Variants in C6orf62 observed in about 807,000 individuals in gnomAD.
The protein encoded by C6orf62 is chromosome 6 open reading frame 62.
A neutral mutation model predicts 26.8 loss-of-function variants in C6orf62; 16 were observed. That is an observed-to-expected ratio of 0.60 (90% CI 0.40 to 0.91). The LOEUF is 0.91. Among genes scored for constraint, C6orf62 ranks in the 40% least tolerant of loss-of-function variants. C6orf62 has a pLI of 0.00. For synonymous variants in C6orf62, 112 were observed against 91.5 expected (o/e 1.22, Z -1.28); for missense variants, 192 against 271.4 (o/e 0.71, Z 2.06).
intron 3 of C6orf62, among the ~76,000 whole-genome samples, chr6:24,713,255 G>A (rs141776216): frequency 1.2e-4 from 18 of 152,172 alleles, no homozygotes; most frequent in African/African-American, 4.3e-4. Flanking sequence ...ATCTTAAGTC[G>A]AACCATTATA....
In C6orf62 at chr6:24,718,962, T is replaced by G. The variant is rs1779295767; in HGVS notation, c.-294A>C. The G allele has an allele frequency of 1.7e-6, 2 of 1,181,836 alleles. No homozygotes were observed. The highest frequency in any genetic ancestry group is 3.9e-5 in the South Asian group (2 of 51,328). The allele number at this position is 1,181,836 out of a possible 1,614,324, so 73.2% of individuals were successfully genotyped here. ...AAAGAAAGAGGAGAAAATAACTAAC[T>G]TTCTGGAAAACACATTTGGCTTAAC... is the stretch of plus-strand genomic sequence containing the variant. On this transcript the variant is annotated 5_prime_UTR_variant, in exon 1 of 5. Coordinates refer to ENST00000378119, the MANE Select transcript of C6orf62 (RefSeq NM_030939.5).
upstream of C6orf62, chr6:24,720,336 G>C (rs937793211): frequency 1.6e-6 from 2 of 1,264,182 alleles, no homozygotes; most frequent in African/African-American, 1.6e-5. Context: ...GCCATGTCAA[G>C]AGAAAACCAC....
chr6:24,710,910 T>C (rs1779108367), intron 3 of C6orf62, among the ~76,000 whole-genome samples: 1 of 152,024 alleles, frequency 6.6e-6, no homozygotes, highest in Admixed American at 6.6e-5. Context: ...GAGGATCACT[T>C]GGGCCTGGGA....
intron 1 of C6orf62, among the ~76,000 whole-genome samples, chr6:24,717,855 T>A (rs1469629797): frequency 1.3e-5 from 2 of 152,246 alleles, no homozygotes; most frequent in African/African-American, 4.8e-5. Flanking sequence ...ACTGCTCTTA[T>A]CATCCCATCC....
chr6:24,720,161 G>A (rs1314431285), upstream of C6orf62: 1 of 1,361,452 alleles, frequency 7.3e-7, no homozygotes. Context: ...CAGCTAGGGC[G>A]GGGTGGGTGA....
upstream of C6orf62, chr6:24,720,380 G>A (rs1779332132): frequency 1.7e-6 from 2 of 1,195,968 alleles, no homozygotes; most frequent in Admixed American, 4.4e-5. Context: ...CCGCTGCAGT[G>A]CGCACCGTGA....
In C6orf62 at chr6:24,708,907, T is replaced by C; in HGVS notation, c.434A>G (p.Lys145Arg). Residue 145 changes from lysine (K) to arginine (R), a missense_variant, in exon 4 of 5, where the codon AAA becomes AGA. Physicochemically the swap from Lys to Arg is conservative, Grantham distance 26 (BLOSUM62 2). Transcript: ENST00000378119. ...SDEPFRPVQAKFEFHHGDYEK... is the reference protein window; with the variant it reads ...SDEPFRPVQARFEFHHGDYEK... ...ATAGTCACCATGATGAAACTCAAAT[T>C]TGGCCTAATTACAAAATACAACATT... is the stretch of plus-strand genomic sequence containing the variant. 6.2e-7 allele frequency: 1 copy of C among 1,613,992 alleles called. No homozygotes were observed. The highest frequency in any genetic ancestry group is 8.5e-7 in the Non-Finnish European group (1 of 1,179,970).
chr6:24,720,411 C>T, upstream of C6orf62: 2 of 1,142,618 alleles, frequency 1.8e-6, no homozygotes, highest in Non-Finnish European at 2.1e-6. Flanking sequence ...CGCGCTGCTG[C>T]CGCCGCTCAG....
chr6:24,720,382 G>A, upstream of C6orf62: 4 of 1,191,242 alleles, frequency 3.4e-6, no homozygotes, highest in Non-Finnish European at 4.2e-6. Flanking sequence ...GCTGCAGTGC[G>A]CACCGTGACT....
rs1318102580 is a variant in C6orf62 at position 24,719,132 on chromosome 6, G to A, written c.-464C>T. On this transcript the variant is annotated 5_prime_UTR_variant, in exon 1 of 5. Coordinates refer to ENST00000378119, the MANE Select transcript of C6orf62 (RefSeq NM_030939.5). ...AGAAAAGGGATTAAGGAACAGGGAG[G>A]GGGAAGTGTGATCCTTGCTTTCCAA... is the stretch of plus-strand genomic sequence containing the variant. 2.0e-6 allele frequency: 2 copies of A among 980,748 alleles called. No individual in the cohort carries two copies. Among genetic ancestry groups the A allele is most frequent in the African/African-American group, 1.8e-5 (1 of 54,916 alleles). The allele number at this position is 980,748 out of a possible 1,614,324, so 60.8% of individuals were successfully genotyped here.
intron 4 of C6orf62, chr6:24,707,091 T>C (rs1460067058): frequency 6.6e-6 from 1 of 152,254 alleles, no homozygotes; most frequent in Admixed American, 6.5e-5. Context: ...ATAAGGACTC[T>C]GACTTTGAAG....
upstream of C6orf62, chr6:24,720,040 A>C: frequency 6.7e-7 from 1 of 1,484,998 alleles, no homozygotes; most frequent in Non-Finnish European, 8.9e-7. Context: ...CCAAAAAATT[A>C]AGTTCCCGGA....
rs1380686970 is a variant in C6orf62, at chr6:24,718,464, ATAATT to A, written c.129+71_129+75del. On this transcript the variant is annotated intron_variant, in intron 1 of 4. Transcript: ENST00000378119. The stretch of plus-strand genomic sequence containing the variant: ...ACCACTCTTTAACCTAATATTCATA[ATAATT>A]TAAGAGTAACAAATAATATACACTT... 9 of 1,379,636 alleles carry A rather than the reference ATAATT, an allele frequency of 6.5e-6. No homozygotes were observed. The African/African-American group carries it at 1.3e-4, about 20-fold the overall frequency. 85.5% of individuals were successfully genotyped at this position (1,379,636 alleles called of 1,614,324 possible). A position where few individuals can be genotyped will look rare whatever the true frequency, so the allele number is the denominator to read the frequency against.
At chr6:24,710,655 T>TTTA in intron 3 of C6orf62, 2 of 980,844 alleles carry the variant, frequency 2.0e-6, no homozygotes, top group Non-Finnish European at 2.4e-6. Context: ...GGATTGCGCC[T>TTTA]TTAAAGATTA....
At chr6:24,707,450 G>A (rs184646050) in intron 4 of C6orf62, among the ~76,000 whole-genome samples, 176 of 151,636 alleles carry the variant, frequency 1.2e-3, no homozygotes, top group Middle Eastern at 3.4e-3. Flanking sequence ...TAAACTCCTG[G>A]GCTCAAGTGA....
intron 3 of C6orf62, among the ~76,000 whole-genome samples, chr6:24,710,791 G>A (rs9366580): frequency 0.2 from 30,636 of 151,890 alleles, 3,427 homozygotes; most frequent in Non-Finnish European, 0.26. Context: ...TAGAGGCCAG[G>A]AGTTTGAGAC....
rs1779298029 is a variant in C6orf62, at chr6:24,719,045, CAAT to C, written c.-380_-378del. The stretch of plus-strand genomic sequence containing the variant: ...AGCCTATAATCAGGATTTAGGTGTG[CAAT>C]AAAACACAGCTGACACCAGACCAAT... On this transcript the variant is annotated 5_prime_UTR_variant, in exon 1 of 5. Coordinates refer to ENST00000378119, the MANE Select transcript of C6orf62 (RefSeq NM_030939.5). 9.5e-7 allele frequency: 1 copy of C among 1,051,088 alleles called. No homozygotes were observed. Among genetic ancestry groups the C allele is most frequent in the Admixed American group, 5.7e-5 (1 of 17,550 alleles). The allele number at this position is 1,051,088 out of a possible 1,614,324, so 65.1% of individuals were successfully genotyped here.
In C6orf62 at chr6:24,718,573, G is replaced by A; in HGVS notation, c.96C>T (p.Phe32=). The A allele has an allele frequency of 6.2e-7, 1 of 1,613,322 alleles. No individual in the cohort carries two copies. The highest frequency in any genetic ancestry group is 8.5e-7 in the Non-Finnish European group (1 of 1,179,368). Residue 32 remains phenylalanine, a synonymous_variant, in exon 1 of 5, where the codon TTC becomes TTT. Transcript: ENST00000378119. ...KKESLADQFD[F]KMYIAFVFKE... ...TGAATACAAAGGCAATATACATCTT[G>A]AAGTCAAACTGGTCAGCTAGAGATT...
At chr6:24,720,282 AAGAGGCGGCGGCGGC>A, upstream of C6orf62, 1 of 1,300,060 alleles carries the variant, frequency 7.7e-7, no homozygotes. Context: ...GCGGCGGCGG[AAGAGGCGGCGGCGGC>A]GGGGGCGCTG....
Sources: gnomAD v4.1 joint callset for allele counts (sites outside exome capture counted in the v4.1 genomes callset) on GRCh38, gnomAD v4.1.1 for gene constraint, MANE v1.5 for transcripts, NCBI Gene and HGNC (gene_info 2026-07-23, HGNC 2026-07-21) for gene names.